Variants in RASA3 observed in about 807,000 individuals in gnomAD.
RASA3 encodes the protein ras GTPase-activating protein 3.
Under a neutral mutation model 110.0 loss-of-function variants are expected in RASA3, and 73 were observed. The observed-to-expected ratio is 0.66, with a 90% CI of 0.55 to 0.81. The LOEUF (loss-of-function observed/expected upper bound fraction) is 0.81, where lower values mean the gene tolerates loss of function less well. Among genes scored for constraint, RASA3 ranks in the 30% least tolerant of loss-of-function variants. The pLI, the probability that RASA3 is intolerant of heterozygous loss-of-function variation, is 0.00. For synonymous variants in RASA3, 500 were observed against 451.4 expected (o/e 1.11, Z -1.37); for missense variants, 976 against 1,113.2 (o/e 0.88, Z 1.75).
At chr13:114,019,829 CTG>C (rs1417356491) in intron 9 of RASA3, among the ~76,000 whole-genome samples, 5 of 101,720 alleles carry the variant, frequency 4.9e-5, no homozygotes, top group East Asian at 3.3e-4. Flanking sequence ...ATTAGCAGCC[CTG>C]TCAGGTGGGT....
chr13:114,072,688 G>A (rs536068947), intron 2 of RASA3, among the ~76,000 whole-genome samples: 6 of 152,098 alleles, frequency 3.9e-5, no homozygotes, highest in African/African-American at 9.7e-5. Context: ...TCACATCCAC[G>A]CACCACCAAG....
intron 11 of RASA3, among the ~76,000 whole-genome samples, chr13:114,017,578 G>A (rs755591556): frequency 2.0e-5 from 3 of 152,368 alleles, no homozygotes; most frequent in South Asian, 4.1e-4. Flanking sequence ...GGCTACCTGC[G>A]TGGCCACCAG....
At chr13:113,990,646 G>A (rs151014558) in intron 22 of RASA3, among the ~76,000 whole-genome samples, 97 of 152,316 alleles carry the variant, frequency 6.4e-4, no homozygotes, top group Admixed American at 2.9e-3. Flanking sequence ...ACAGCACCTC[G>A]CACACTTGCT....
chr13:114,112,352 C>T lies in RASA3; in HGVS notation c.55+20083G>A, dbSNP rs187179732. Among the ~76,000 whole-genome samples the T allele has an allele frequency of 1.8e-4, 27 of 152,312 alleles. No individual in the cohort carries two copies. Among genetic ancestry groups the T allele is most frequent in the Non-Finnish European group, 3.5e-4 (24 of 68,044 alleles). ...CTGGCCGGGTGGAGGATTTCTACCA[C>T]GAGAAAGTCAGGGCCCTCCCCGAAG... On this transcript the variant is annotated intron_variant, in intron 1 of 23. Coordinates refer to ENST00000334062, the MANE Select transcript of RASA3 (RefSeq NM_007368.4). This position sits in a 1 kb window ranked among gnomAD's most constrained non-coding sequence, Gnocchi z 4.8.
rs1380194956 is a variant in RASA3, at chr13:114,030,768, C to T, written c.373-881G>A. ...TTGTGTGTGCAGCTGTGTATGTGAG[C>T]ATGCTGCTGTGTGTGCATGTCCACC... On this transcript the variant is annotated intron_variant, in intron 4 of 23. Transcript: ENST00000334062. Among the ~76,000 whole-genome samples the T allele has an allele frequency of 1.3e-5, 2 of 148,568 alleles. 1 individual carries two copies. The highest frequency in any genetic ancestry group is 3.0e-5 in the Non-Finnish European group (2 of 67,302).
At chr13:114,044,600 C>T (rs1225468198) in intron 3 of RASA3, among the ~76,000 whole-genome samples, 2 of 138,542 alleles carry the variant, frequency 1.4e-5, no homozygotes, top group Non-Finnish European at 3.1e-5. Flanking sequence ...AGTGGGGGCT[C>T]TGTCCTCTCC....
At chr13:114,019,041 T>C in intron 9 of RASA3, 122 bp from the exon 10 acceptor site, 2 of 1,263,528 alleles carry the variant, frequency 1.6e-6, no homozygotes, top group Middle Eastern at 2.8e-4. Flanking sequence ...GTAGGACCCC[T>C]CAGAGTGCAG....
intron 4 of RASA3, 57 bp from the exon 5 acceptor site, chr13:114,029,944 A>C: frequency 6.8e-7 from 1 of 1,477,262 alleles, no homozygotes; most frequent in Admixed American, 2.0e-5. Flanking sequence ...ACAGGCCACT[A>C]GGGCCGCGCG....
Position 113,991,627 on chromosome 13 carries a change from T to A in RASA3, c.2245+858A>T, listed in dbSNP as rs113436993. On this transcript the variant is annotated intron_variant, in intron 22 of 23. Transcript: ENST00000334062. ...GGCTTATCTGGATTGCTATTTCAAT[T>A]CTGTAAAGCAATTCAATGTCACAGA... Among the ~76,000 whole-genome samples the A allele has an allele frequency of 4.1e-3, 624 of 152,326 alleles. 4 individuals are homozygous for A. The highest frequency in any genetic ancestry group is 0.014 in the African/African-American group (563 of 41,566).
At position 114,114,808 on chromosome 13, in the gene RASA3, G is replaced by A. The variant is rs1414724782; in HGVS notation, c.55+17627C>T. On this transcript the variant is annotated intron_variant, in intron 1 of 23. Transcript: ENST00000334062. This position sits in a 1 kb window ranked among gnomAD's most constrained non-coding sequence, Gnocchi z 4.8. ...ATTTTTCAACCACCCGCCCTCATGT[G>A]CAGGGACAGGGCAGAGTCGTGACCA... is the stretch of plus-strand genomic sequence containing the variant. 6.6e-6 allele frequency among the ~76,000 whole-genome samples: 1 copy of A among 152,198 alleles called. No homozygotes were observed. Among genetic ancestry groups the A allele is most frequent in the African/African-American group, 2.4e-5 (1 of 41,456 alleles).
chr13:114,006,005 C>A (rs2053512667), intron 18 of RASA3, among the ~76,000 whole-genome samples: 2 of 33,840 alleles, frequency 5.9e-5, no homozygotes, highest in Non-Finnish European at 1.0e-4. Flanking sequence ...TTCTCCCCTC[C>A]TGCCCTGCCG....
intron 12 of RASA3, among the ~76,000 whole-genome samples, chr13:114,016,662 A>C (rs1228114552): frequency 6.6e-6 from 1 of 152,270 alleles, no homozygotes; most frequent in Non-Finnish European, 1.5e-5. Context: ...GATGTGCACC[A>C]GCCCACACGG....
chr13:114,024,228 G>A (rs780071632), intron 8 of RASA3, 51 bp downstream of exon 8: 11 of 1,491,382 alleles, frequency 7.4e-6, no homozygotes, highest in Non-Finnish European at 1.0e-5. Flanking sequence ...AAGAGCTGAG[G>A]AGTTTGGGTG....
chr13:114,062,523 C>T (rs949813055), intron 2 of RASA3, among the ~76,000 whole-genome samples: 4 of 152,060 alleles, frequency 2.6e-5, no homozygotes, highest in African/African-American at 4.8e-5. Flanking sequence ...GTTCCACCCC[C>T]AGGTGTGCAG....
chr13:114,027,566 AT>A, intron 6 of RASA3, 105 bp from the exon 7 acceptor site: 1 of 875,702 alleles, frequency 1.1e-6, no homozygotes, highest in Non-Finnish European at 1.8e-6. Flanking sequence ...TATTGGCTTT[AT>A]TTATTTTATA....
chr13:113,981,963 A>G, intron 22 of RASA3, 105 bp from the exon 23 acceptor site: 2 of 1,014,170 alleles, frequency 2.0e-6, no homozygotes, highest in South Asian at 3.4e-5. Context: ...ACATCCTTCC[A>G]ACGCAAGCTC....
intron 1 of RASA3, among the ~76,000 whole-genome samples, chr13:114,104,286 C>T (rs2080103365): frequency 9.3e-6 from 1 of 107,154 alleles, no homozygotes. Flanking sequence ...GATGCGTCCA[C>T]GCTGTCCCCG....
chr13:114,130,647 T>C (rs1387073625), intron 1 of RASA3, among the ~76,000 whole-genome samples: 3 of 152,196 alleles, frequency 2.0e-5, no homozygotes, highest in Non-Finnish European at 4.4e-5. Context: ...CTCGCCCTCC[T>C]GTTCTACTTC....
intron 1 of RASA3, among the ~76,000 whole-genome samples, chr13:114,103,981 C>T (rs1354492918): frequency 1.1e-5 from 1 of 87,574 alleles, no homozygotes; most frequent in Non-Finnish European, 2.3e-5. Context: ...ACACTGCCGC[C>T]GGCCACAGAC....
Sources: allele counts gnomAD v4.1 joint callset (sites outside exome capture counted in the v4.1 genomes callset), GRCh38; gene constraint gnomAD v4.1.1; non-coding constraint Gnocchi (gnomAD v3.1); transcripts MANE v1.5; gene names NCBI Gene and HGNC (gene_info 2026-07-23, HGNC 2026-07-21).